PDE4D: variants seen among roughly 807,000 people sequenced by gnomAD.
PDE4D encodes 3',5'-cyclic-AMP phosphodiesterase 4D.
Under a neutral mutation model 87.4 loss-of-function variants are expected in PDE4D, and 24 were observed. The ratio of observed to expected loss-of-function variants is 0.27; its 90% confidence interval spans 0.20 to 0.39. The LOEUF (loss-of-function observed/expected upper bound fraction) is 0.39, where lower values mean the gene tolerates loss of function less well. PDE4D is among the 10% of genes least tolerant of loss of function. PDE4D has a pLI of 1.00. For missense variants in PDE4D, 714 were observed against 1,041.0 expected, an observed-to-expected ratio of 0.69 and a Z score of 4.32; for synonymous variants, 384 against 383.2, an observed-to-expected ratio of 1.00 and a Z score of -0.02.
intron 1 of PDE4D, among the ~76,000 whole-genome samples, chr5:59,728,515 C>T (rs1756924527): frequency 6.6e-6 from 1 of 152,048 alleles, no homozygotes; most frequent in African/African-American, 2.4e-5. Flanking sequence ...TATGGTGGGG[C>T]AAAGCCAGCT....
At chr5:59,585,704 T>A (rs1443324871) in intron 1 of PDE4D, among the ~76,000 whole-genome samples, 1 of 152,222 alleles carries the variant, frequency 6.6e-6, no homozygotes, top group Non-Finnish European at 1.5e-5. Flanking sequence ...ATGCATTGCA[T>A]TGAACCTTAA....
chr5:58,985,255 C>T (rs1486044595), intron 11 of PDE4D, among the ~76,000 whole-genome samples: 4 of 152,116 alleles, frequency 2.6e-5, no homozygotes, highest in Non-Finnish European at 2.9e-5. Flanking sequence ...AAAATATTTA[C>T]GCAGCTTCCT....
chr5:59,555,738 T>C (rs775918010), intron 1 of PDE4D, among the ~76,000 whole-genome samples: 4 of 152,134 alleles, frequency 2.6e-5, no homozygotes, highest in Non-Finnish European at 5.9e-5. Context: ...GCAAACAGCA[T>C]CACTGACACC....
At chr5:60,285,415 G>GA (rs1234385219) in intron 1 of PDE4D, among the ~76,000 whole-genome samples, 1 of 151,732 alleles carries the variant, frequency 6.6e-6, no homozygotes, top group East Asian at 1.9e-4. Flanking sequence ...GTTGCTTATT[G>GA]AGCTTGTAAC....
chr5:60,065,362 C>T (rs1244892853), intron 2 of PDE4D, among the ~76,000 whole-genome samples: 2 of 151,846 alleles, frequency 1.3e-5, no homozygotes, highest in Non-Finnish European at 2.9e-5. Flanking sequence ...GTTTTACATG[C>T]ACATTCTATA....
At chr5:60,337,356 T>A (rs867659479) in intron 1 of PDE4D, among the ~76,000 whole-genome samples, 4,422 of 91,058 alleles carry the variant, frequency 0.049, 441 homozygotes, top group African/African-American at 0.21. Flanking sequence ...ACAAACTATA[T>A]ATATATATAT....
At chr5:60,055,262 A>G (rs1562034060) in intron 2 of PDE4D, among the ~76,000 whole-genome samples, 1 of 152,106 alleles carries the variant, frequency 6.6e-6, no homozygotes, top group Non-Finnish European at 1.5e-5. Context: ...CACAAAAACT[A>G]AAACCTTACA....
At chr5:59,230,440 C>A (rs1426474819) in intron 1 of PDE4D, among the ~76,000 whole-genome samples, 1 of 152,046 alleles carries the variant, frequency 6.6e-6, no homozygotes, top group Non-Finnish European at 1.5e-5. Context: ...ACATTCCTGG[C>A]TATTTGGGTA....
chr5:59,327,411 A>C (rs1412972505), intron 1 of PDE4D, among the ~76,000 whole-genome samples: 1 of 152,096 alleles, frequency 6.6e-6, no homozygotes, highest in African/African-American at 2.4e-5. Flanking sequence ...AGAGCCCAGG[A>C]GACTGGGGGA....
intron 1 of PDE4D, among the ~76,000 whole-genome samples, chr5:60,248,246 TC>T (rs1748024443): frequency 6.6e-6 from 1 of 151,946 alleles, no homozygotes; most frequent in South Asian, 2.1e-4. Context: ...GGAAGAATAT[TC>T]TAATCAGAAA....
intron 1 of PDE4D, among the ~76,000 whole-genome samples, chr5:59,482,496 G>C (rs769196299): frequency 1.3e-5 from 2 of 152,096 alleles, no homozygotes; most frequent in African/African-American, 4.8e-5. Flanking sequence ...AATCATCCCT[G>C]TAGTGATAAA....
At chr5:59,980,763 T>C (rs1761844165) in intron 3 of PDE4D, among the ~76,000 whole-genome samples, 1 of 152,206 alleles carries the variant, frequency 6.6e-6, no homozygotes, top group Admixed American at 6.5e-5. Context: ...CATATTATTT[T>C]GTAAATTGAA....
intron 1 of PDE4D, among the ~76,000 whole-genome samples, chr5:59,889,142 C>T (rs1750581601): frequency 6.6e-6 from 1 of 151,090 alleles, no homozygotes; most frequent in Non-Finnish European, 1.5e-5. Flanking sequence ...GCAGGAGAAT[C>T]CCTTGAACCT....
intron 1 of PDE4D, among the ~76,000 whole-genome samples, chr5:60,379,898 A>T (rs1761726981): frequency 6.6e-6 from 1 of 152,166 alleles, no homozygotes; most frequent in Non-Finnish European, 1.5e-5. Context: ...ACTTCTTCTT[A>T]CATTAATTGA....
chr5:60,468,929 A>C (rs568527840), intron 1 of PDE4D, among the ~76,000 whole-genome samples: 1 of 152,064 alleles, frequency 6.6e-6, no homozygotes, highest in Admixed American at 6.5e-5. Flanking sequence ...CATCGTCCCC[A>C]CCATTTCCTG....
At chr5:59,605,265 T>A (rs1828036381) in intron 1 of PDE4D, among the ~76,000 whole-genome samples, 1 of 152,172 alleles carries the variant, frequency 6.6e-6, no homozygotes, top group Non-Finnish European at 1.5e-5. Context: ...TGCAAAAGTT[T>A]ATTTTTTTCT....
intron 1 of PDE4D, among the ~76,000 whole-genome samples, chr5:59,241,575 C>T (rs750030478): frequency 5.9e-5 from 9 of 152,204 alleles, no homozygotes; most frequent in Non-Finnish European, 1.0e-4. Flanking sequence ...ACACACAAAA[C>T]TATCAACAAA....
intron 1 of PDE4D, among the ~76,000 whole-genome samples, chr5:59,366,469 A>C (rs959396326): frequency 1.3e-5 from 2 of 152,172 alleles, no homozygotes; most frequent in African/African-American, 2.4e-5. Context: ...TCAACCATGA[A>C]GTTTTATTCC....
At chr5:58,993,594 C>T (rs777764307) in intron 6 of PDE4D, 129 bp from the exon 7 acceptor site, 4 of 563,000 alleles carry the variant, frequency 7.1e-6, no homozygotes, top group African/African-American at 4.0e-5. Context: ...TAGAACAGTG[C>T]CTTCCAGCAG....
Sources: allele counts gnomAD v4.1 joint callset (sites outside exome capture counted in the v4.1 genomes callset), GRCh38; gene constraint gnomAD v4.1.1; transcripts MANE v1.5; gene names NCBI Gene and HGNC (gene_info 2026-07-23, HGNC 2026-07-21).